PTPRG: variants seen among roughly 807,000 people sequenced by gnomAD.
PTPRG encodes the protein protein tyrosine phosphatase receptor type G, also known as receptor-type tyrosine-protein phosphatase gamma.
PTPRG carries 102 observed loss-of-function variants against 165.3 expected under a neutral mutation model. That is an observed-to-expected ratio of 0.62 (90% CI 0.53 to 0.73). The LOEUF (loss-of-function observed/expected upper bound fraction) is 0.73, where lower values mean the gene tolerates loss of function less well. PTPRG is among the 30% of genes least tolerant of loss of function. The probability of loss-of-function intolerance (pLI) is 0.00; values close to 1 mark genes in which losing one functional copy is unlikely to be tolerated. For missense variants in PTPRG, 1,866 were observed against 1,861.4 expected (o/e 1.00, Z -0.05); for synonymous variants, 675 against 669.5 (o/e 1.01, Z -0.13).
chr3:61,743,090 G>A (rs2033062497), intron 1 of PTPRG: 1 of 1,559,024 alleles, frequency 6.4e-7, no homozygotes, highest in Admixed American at 1.7e-5. Flanking sequence ...AGGGTGTTGC[G>A]AGAGACTGCT....
intron 2 of PTPRG, among the ~76,000 whole-genome samples, chr3:61,785,514 G>A (rs1356339288): frequency 6.6e-6 from 1 of 152,100 alleles, no homozygotes; most frequent in Non-Finnish European, 1.5e-5. Context: ...CATGCTTCTG[G>A]TAAAAGCAGA....
At chr3:62,048,139 T>C (rs9870526) in intron 4 of PTPRG, among the ~76,000 whole-genome samples, 33,744 of 151,824 alleles carry the variant, frequency 0.22, 4,043 homozygotes, top group African/African-American at 0.27. Flanking sequence ...TGCTGTTTTA[T>C]GGAGAAGAGA....
At chr3:61,871,166 TTA>T (rs1275802618) in intron 2 of PTPRG, among the ~76,000 whole-genome samples, 11,861 of 43,410 alleles carry the variant, frequency 0.27, 763 homozygotes, top group African/African-American at 0.4. Context: ...TTGTGTTGTG[TTA>T]TGTTATGTTA....
intron 5 of PTPRG, among the ~76,000 whole-genome samples, chr3:62,084,629 G>T (rs1460353033): frequency 6.6e-6 from 1 of 152,166 alleles, no homozygotes; most frequent in African/African-American, 2.4e-5. Flanking sequence ...TATAGACATT[G>T]AGAAGGCAGG....
At chr3:61,962,463 T>C (rs1189655125) in intron 2 of PTPRG, among the ~76,000 whole-genome samples, 2 of 152,194 alleles carry the variant, frequency 1.3e-5, no homozygotes, top group African/African-American at 2.4e-5. Flanking sequence ...ACATAACCTA[T>C]GGCAAAGTGA....
intron 1 of PTPRG, among the ~76,000 whole-genome samples, chr3:61,618,733 A>G (rs1273717502): frequency 2.0e-5 from 3 of 152,220 alleles, no homozygotes; most frequent in African/African-American, 7.2e-5. Flanking sequence ...ATTTTGGCTC[A>G]TAAAGCTGAA....
chr3:61,749,084 T>G (rs751944072), intron 2 of PTPRG, 102 bp downstream of exon 2: 2 of 958,462 alleles, frequency 2.1e-6, no homozygotes, highest in South Asian at 2.7e-5. Flanking sequence ...GAGTTCTGTT[T>G]GCTCAAATCT....
intron 1 of PTPRG, among the ~76,000 whole-genome samples, chr3:61,671,998 T>C (rs1296445069): frequency 2.9e-5 from 3 of 103,422 alleles, no homozygotes; most frequent in Non-Finnish European, 5.8e-5. Flanking sequence ...TCCTCACTTC[T>C]CAGACGGGGC....
At chr3:61,735,865 A>G (rs1473611650) in intron 1 of PTPRG, among the ~76,000 whole-genome samples, 1 of 151,958 alleles carries the variant, frequency 6.6e-6, no homozygotes, top group Non-Finnish European at 1.5e-5. Flanking sequence ...TTTGGGAGGC[A>G]GAGTTGAGGT....
chr3:61,755,174 A>AT (rs1375730492), intron 2 of PTPRG, among the ~76,000 whole-genome samples: 1 of 151,874 alleles, frequency 6.6e-6, no homozygotes, highest in Non-Finnish European at 1.5e-5. Flanking sequence ...CGCCCGACTA[A>AT]TTTTTGTATT....
At chr3:61,566,087 A>G (rs1699906956) in intron 1 of PTPRG, among the ~76,000 whole-genome samples, 1 of 152,196 alleles carries the variant, frequency 6.6e-6, no homozygotes, top group Non-Finnish European at 1.5e-5. Context: ...GATGGACTTA[A>G]AACACTAATA....
At chr3:61,927,061 G>A (rs1347736110) in intron 2 of PTPRG, among the ~76,000 whole-genome samples, 2 of 152,192 alleles carry the variant, frequency 1.3e-5, no homozygotes, top group Non-Finnish European at 2.9e-5. Context: ...TGACTGTCAA[G>A]TGTCTGGATT....
At chr3:61,591,034 T>C (rs1159011931) in intron 1 of PTPRG, among the ~76,000 whole-genome samples, 1 of 152,168 alleles carries the variant, frequency 6.6e-6, no homozygotes, top group Non-Finnish European at 1.5e-5. Flanking sequence ...TGCTTGAGCC[T>C]GTGGGAAGTG....
intron 8 of PTPRG, among the ~76,000 whole-genome samples, chr3:62,185,965 CT>C (rs549388123): frequency 6.6e-6 from 1 of 152,158 alleles, no homozygotes; most frequent in Non-Finnish European, 1.5e-5. Context: ...TTCTGTTTTG[CT>C]GCGTTTGCCT....
intron 4 of PTPRG, among the ~76,000 whole-genome samples, chr3:62,042,842 A>T (rs760002924): frequency 6.6e-6 from 1 of 152,184 alleles, no homozygotes. Flanking sequence ...CCCTGCTTGA[A>T]TGAATTCATT....
At chr3:61,679,746 A>C (rs906714361) in intron 1 of PTPRG, among the ~76,000 whole-genome samples, 1 of 152,144 alleles carries the variant, frequency 6.6e-6, no homozygotes, top group African/African-American at 2.4e-5. Flanking sequence ...ATGCCGTTGC[A>C]CTGCAGCCTG....
rs144600871 is a variant in PTPRG at position 62,076,071 on chromosome 3, C to T, written c.520-2092C>T. 9.6e-3 allele frequency among the ~76,000 whole-genome samples: 1,461 copies of T among 152,198 alleles called. 21 individuals carry two copies. The highest frequency in any genetic ancestry group is 0.033 in the African/African-American group (1,378 of 41,522). On this transcript the variant is annotated intron_variant, in intron 4 of 29. Coordinates refer to ENST00000474889, the MANE Select transcript of PTPRG (RefSeq NM_002841.4). ...TGGGCGGATTGCTTGAGCTCAGTTA[C>T]TCTAAACCAGCCTGGGCAACATAGT...
intron 2 of PTPRG, among the ~76,000 whole-genome samples, chr3:61,957,987 G>T (rs1410790549): frequency 6.6e-6 from 1 of 152,032 alleles, no homozygotes; most frequent in African/African-American, 2.4e-5. Flanking sequence ...CCTTAATGAG[G>T]TTTATGTATT....
chr3:61,717,309 A>G (rs980869179), intron 1 of PTPRG, among the ~76,000 whole-genome samples: 3 of 152,188 alleles, frequency 2.0e-5, no homozygotes, highest in Admixed American at 6.5e-5. Context: ...TTTGAGGTAC[A>G]TATTGTTATT....
Sources: allele counts gnomAD v4.1 joint callset (sites outside exome capture counted in the v4.1 genomes callset), GRCh38; gene constraint gnomAD v4.1.1; transcripts MANE v1.5; gene names NCBI Gene and HGNC (gene_info 2026-07-23, HGNC 2026-07-21).